LRRIQ3: variants seen among roughly 807,000 people sequenced by gnomAD.
LRRIQ3 encodes the protein leucine-rich repeat and IQ domain-containing protein 3.
In LRRIQ3, 75 loss-of-function variants were observed where a neutral mutation model predicts 59.3. The ratio of observed to expected loss-of-function variants is 1.26; its 90% CI spans 1.05 to 1.53. The LOEUF (loss-of-function observed/expected upper bound fraction) is 1.53, where lower values mean the gene tolerates loss of function less well. LRRIQ3 is among the 40% of genes most tolerant of loss of function. The pLI is 0.00. For missense variants in LRRIQ3, 831 were observed against 710.0 expected, an observed-to-expected ratio of 1.17 and a Z score of -1.94; for synonymous variants, 250 against 231.3, an observed-to-expected ratio of 1.08 and a Z score of -0.73.
At chr1:74,031,611 G>T (rs1441696394) in intron 7 of LRRIQ3, among the ~76,000 whole-genome samples, 4 of 140,424 alleles carry the variant, frequency 2.8e-5, no homozygotes, top group Non-Finnish European at 6.1e-5. Flanking sequence ...GGGGCCTGTT[G>T]TGGGGTGAGG....
intron 4 of LRRIQ3, among the ~76,000 whole-genome samples, chr1:74,154,733 A>C (rs1019149399): frequency 1.4e-4 from 22 of 152,190 alleles, no homozygotes; most frequent in African/African-American, 4.8e-4. Flanking sequence ...ATTTTAAATA[A>C]GTATGCACTT....
intron 3 of LRRIQ3, among the ~76,000 whole-genome samples, chr1:74,175,653 A>G (rs1290831218): frequency 6.6e-6 from 1 of 152,148 alleles, no homozygotes; most frequent in Non-Finnish European, 1.5e-5. Context: ...TGGGTTCTGG[A>G]ATTCTCACAA....
chr1:74,142,452 C>T (rs1218846369), intron 4 of LRRIQ3, among the ~76,000 whole-genome samples: 4 of 151,938 alleles, frequency 2.6e-5, no homozygotes, highest in Non-Finnish European at 5.9e-5. Context: ...ACCCAGTCCA[C>T]TTCAACCAAG....
intron 6 of LRRIQ3, among the ~76,000 whole-genome samples, chr1:74,065,094 T>G (rs1591968): frequency 0.015 from 2,334 of 152,194 alleles, 68 homozygotes; most frequent in African/African-American, 0.054. Flanking sequence ...TCCAAGACTT[T>G]GTTCACTGTA....
At chr1:74,044,287 A>T (rs1261053522) in intron 6 of LRRIQ3, among the ~76,000 whole-genome samples, 1 of 152,044 alleles carries the variant, frequency 6.6e-6, no homozygotes, top group Admixed American at 6.6e-5. Context: ...CCAATGTTGG[A>T]TATTGGGCCT....
At chr1:74,032,464 T>C (rs1235931453) in intron 7 of LRRIQ3, among the ~76,000 whole-genome samples, 2 of 152,026 alleles carry the variant, frequency 1.3e-5, no homozygotes, top group African/African-American at 4.8e-5. Context: ...CTCATTTAGG[T>C]CTTGGGTCCT....
chr1:74,148,934 G>A (rs1018648878), intron 4 of LRRIQ3, among the ~76,000 whole-genome samples: 1 of 152,160 alleles, frequency 6.6e-6, no homozygotes, highest in Admixed American at 6.5e-5. Flanking sequence ...AGTCAACATG[G>A]TTCCAGGCAA....
intron 6 of LRRIQ3, among the ~76,000 whole-genome samples, chr1:74,069,312 G>T (rs550423748): frequency 6.6e-6 from 1 of 152,040 alleles, no homozygotes; most frequent in Non-Finnish European, 1.5e-5. Context: ...ACACTTTTAA[G>T]GTTTCAATTT....
At position 74,133,200 on chromosome 1, in the gene LRRIQ3, A is replaced by T. The variant is rs558204491; in HGVS notation, c.707+22533T>A. ...CCAGTTAGAATGGCAATCATTAAAA[A>T]GTCAGGAAACAACAGGTGCTGGAGA... On this transcript the variant is annotated intron_variant, in intron 4 of 7. Transcript: ENST00000354431. Among the ~76,000 whole-genome samples the T allele has an allele frequency of 2.9e-3, 435 of 152,296 alleles. 2 individuals are homozygous for T. Among genetic ancestry groups the T allele is most frequent in the African/African-American group, 0.01 (426 of 41,564 alleles).
chr1:74,144,279 C>G (rs532547319), intron 4 of LRRIQ3: 1 of 176,622 alleles, frequency 5.7e-6, no homozygotes, highest in East Asian at 1.8e-4. Context: ...TTGGCATAAT[C>G]CCAGGATATC....
At chr1:74,181,375 T>C (rs2100721592) in intron 3 of LRRIQ3, 1 of 152,004 alleles carries the variant, frequency 6.6e-6, no homozygotes, top group East Asian at 1.9e-4. Flanking sequence ...ATGAGGGACC[T>C]ACCCTAATTT....
At position 74,066,135 on chromosome 1, in the gene LRRIQ3, A is replaced by G. The variant is rs12048521; in HGVS notation, c.997+8526T>C. Among the ~76,000 whole-genome samples, 104 of 151,574 alleles carry G rather than the reference A, an allele frequency of 6.9e-4. 3 individuals carry two copies. In the East Asian group the frequency reaches 0.011, roughly 15 times the overall value. On this transcript the variant is annotated intron_variant, in intron 6 of 7. Transcript: ENST00000354431. The stretch of plus-strand genomic sequence containing the variant: ...CGGGAGGCAGAGGTAACAGTGAGCC[A>G]AGATCATGCCATTGCACTCCAGCCT...
chr1:74,069,459 C>T (rs989911322), intron 6 of LRRIQ3, among the ~76,000 whole-genome samples: 1 of 151,634 alleles, frequency 6.6e-6, no homozygotes, highest in African/African-American at 2.4e-5. Context: ...GTCTGACCTA[C>T]AGTGTTATAT....
At chr1:74,155,665 G>T in intron 4 of LRRIQ3, 68 bp downstream of exon 4, 1 of 1,407,842 alleles carries the variant, frequency 7.1e-7, no homozygotes, top group South Asian at 1.4e-5. Context: ...TTGGAGAATT[G>T]ACTTCTTATC....
intron 3 of LRRIQ3, chr1:74,182,009 G>A (rs1211625618): frequency 6.6e-6 from 1 of 151,552 alleles, no homozygotes; most frequent in Non-Finnish European, 1.5e-5. Context: ...TTATTCATGT[G>A]TTATAAAGAA....
chr1:74,074,814 T>A, intron 5 of LRRIQ3, 24 bp from the exon 6 acceptor site: 1 of 1,169,976 alleles, frequency 8.5e-7, no homozygotes, highest in Non-Finnish European at 1.2e-6. Context: ...ATAAAAGCAA[T>A]GACAATGATA....
At chr1:74,066,947 ACTTT>A (rs1329644681) in intron 6 of LRRIQ3, among the ~76,000 whole-genome samples, 2 of 152,182 alleles carry the variant, frequency 1.3e-5, no homozygotes, top group Non-Finnish European at 2.9e-5. Flanking sequence ...TGACACACTT[ACTTT>A]GAGTCAGAAT....
intron 3 of LRRIQ3, among the ~76,000 whole-genome samples, chr1:74,161,855 T>TGCAA (rs1402604937): frequency 6.6e-6 from 1 of 151,692 alleles, no homozygotes; most frequent in Non-Finnish European, 1.5e-5. Context: ...AAAGTAACAA[T>TGCAA]AAAGACCCTG....
intron 4 of LRRIQ3, among the ~76,000 whole-genome samples, chr1:74,136,141 A>G (rs1370982604): frequency 6.6e-6 from 1 of 151,956 alleles, no homozygotes; most frequent in Non-Finnish European, 1.5e-5. Context: ...GATGAAATGG[A>G]TGAATTCCTT....
Sources: allele counts gnomAD v4.1 joint callset (sites outside exome capture counted in the v4.1 genomes callset), GRCh38; gene constraint gnomAD v4.1.1; transcripts MANE v1.5; gene names NCBI Gene and HGNC (gene_info 2026-07-23, HGNC 2026-07-21).